The following SCAI variants were observed in gnomAD, a reference collection of about 807,000 sequenced individuals.
The protein encoded by SCAI is protein SCAI.
A neutral mutation model predicts 92.2 loss-of-function variants in SCAI; 24 were observed. That is an observed-to-expected ratio of 0.26 (90% confidence interval 0.19 to 0.37). The LOEUF (loss-of-function observed/expected upper bound fraction) is 0.37. SCAI is among the 10% of genes least tolerant of loss of function. The probability of loss-of-function intolerance (pLI) is 1.00; values close to 1 mark genes in which losing one functional copy is unlikely to be tolerated. For synonymous variants in SCAI, 261 were observed against 258.6 expected (o/e 1.01, Z -0.09); for missense variants, 450 against 736.2 (o/e 0.61, Z 4.50).
At chr9:125,120,314 CA>C (rs1165505051) in intron 2 of SCAI, among the ~76,000 whole-genome samples, 3 of 152,164 alleles carry the variant, frequency 2.0e-5, no homozygotes, top group African/African-American at 7.2e-5. Context: ...AGATTAAAGA[CA>C]ATAACCTGGA....
rs1318864099 is a variant in SCAI, at chr9:124,950,475, A to C, written c.*2332T>G. ...AGCTCAGAACAGTAAATACTATTTT[A>C]AACATTAGAGGACAGGAAACTCTGT... On this transcript the variant is annotated 3_prime_UTR_variant, in exon 18 of 18. Transcript: ENST00000336505. 1 of 152,216 alleles carries C rather than the reference A, an allele frequency of 6.6e-6. No homozygotes were observed. The highest frequency in any genetic ancestry group is 2.4e-5 in the African/African-American group (1 of 41,450). 9.4% of individuals were successfully genotyped at this position (152,216 alleles called of 1,614,324 possible).
intron 5 of SCAI, 58 bp from the exon 6 acceptor site, chr9:125,026,968 A>T: frequency 3.9e-6 from 4 of 1,024,600 alleles, no homozygotes; most frequent in Middle Eastern, 2.1e-4. Flanking sequence ...CACCATGGTA[A>T]ATACTTGTTC....
chr9:125,026,524 G>A (rs748472885), intron 6 of SCAI, among the ~76,000 whole-genome samples: 4 of 152,162 alleles, frequency 2.6e-5, no homozygotes, highest in Non-Finnish European at 5.9e-5. Context: ...GCTAAGCCTT[G>A]TTTTGGAGTC....
At chr9:125,115,493 C>T (rs554719834) in intron 2 of SCAI, among the ~76,000 whole-genome samples, 1 of 149,484 alleles carries the variant, frequency 6.7e-6, no homozygotes, top group East Asian at 2.0e-4. Flanking sequence ...ATAGAATAAA[C>T]AGTGACATAG....
intron 2 of SCAI, among the ~76,000 whole-genome samples, chr9:125,139,233 T>TAA (rs1835611287): frequency 6.6e-6 from 1 of 151,972 alleles, no homozygotes; most frequent in Non-Finnish European, 1.5e-5. Context: ...AGCAACATGG[T>TAA]AAAACCCCAC....
chr9:124,946,427 TTAAGA>T lies in SCAI; in HGVS notation c.*6375_*6379del, dbSNP rs1564352112. On this transcript the variant is annotated 3_prime_UTR_variant, in exon 18 of 18. Coordinates refer to ENST00000336505, the MANE Select transcript of SCAI (RefSeq NM_001144877.3). This position sits in a 1 kb window ranked among gnomAD's most constrained non-coding sequence, Gnocchi z 4.0. ...AGACTCCTGAGATAATTTCTCTATT[TTAAGA>T]TAATATTGGATCAGATAGATTTAAT... is the stretch of plus-strand genomic sequence containing the variant. 1 of 152,198 alleles carries T rather than the reference TTAAGA, an allele frequency of 6.6e-6. No individual in the cohort carries two copies. Among genetic ancestry groups the T allele is most frequent in the African/African-American group, 2.4e-5 (1 of 41,448 alleles). The allele number at this position is 152,198 out of a possible 1,614,324, so 9.4% of individuals were successfully genotyped here. A position where few individuals can be genotyped will look rare whatever the true frequency, so the allele number is the denominator to read the frequency against.
chr9:124,959,154 G>A (rs1831382266), intron 17 of SCAI, among the ~76,000 whole-genome samples: 1 of 151,146 alleles, frequency 6.6e-6, no homozygotes, highest in Non-Finnish European at 1.5e-5. Context: ...TATACCTAAT[G>A]CTAAATGACG....
In SCAI at chr9:125,018,912, C is replaced by T. The variant is rs1412270769; in HGVS notation, c.748G>A (p.Val250Ile). 1 of 1,613,908 alleles carries T rather than the reference C, an allele frequency of 6.2e-7. No homozygotes were observed. Residue 250 changes from valine to isoleucine, a missense_variant, in exon 9 of 18, where the codon GTT (valine) becomes ATT (isoleucine). Val to Ile is a conservative substitution (Grantham distance 29, BLOSUM62 3). This residue lies in a region of SCAI where 360 missense variants were observed against 601.8 expected (regional missense o/e 0.60). Transcript: ENST00000336505. The part of the protein sequence containing the change: ...VMVLNDDNTI[V>I]ITSNRLAETG... ...TCAGCAAGGCGATTCGATGTGATAA[C>T]AATGGTATTATCATCATTTAATACC...
chr9:125,038,144 C>T (rs1833240062), intron 3 of SCAI, among the ~76,000 whole-genome samples: 1 of 152,106 alleles, frequency 6.6e-6, no homozygotes, highest in South Asian at 2.1e-4. Flanking sequence ...GTAGTGCTAG[C>T]TACTCGGGGA....
intron 5 of SCAI, among the ~76,000 whole-genome samples, chr9:125,028,122 C>T (rs360202): frequency 0.02 from 3,026 of 152,220 alleles, 90 homozygotes; most frequent in African/African-American, 0.069. Context: ...TAGTATTAAT[C>T]GTTTATCTAA....
chr9:125,004,770 TATATATA>T (rs1240553989), intron 9 of SCAI, among the ~76,000 whole-genome samples: 88 of 9,548 alleles, frequency 9.2e-3, no homozygotes, highest in Non-Finnish European at 0.013. Flanking sequence ...TATATATATA[TATATATA>T]TATTTTTTTT....
intron 2 of SCAI, among the ~76,000 whole-genome samples, chr9:125,076,059 T>C (rs1293327930): frequency 6.6e-6 from 1 of 152,216 alleles, no homozygotes; most frequent in Non-Finnish European, 1.5e-5. Flanking sequence ...GCCAACAGTC[T>C]GTGTATGTAG....
chr9:125,122,105 G>A (rs1835167217), intron 2 of SCAI, among the ~76,000 whole-genome samples: 1 of 152,178 alleles, frequency 6.6e-6, no homozygotes, highest in Admixed American at 6.5e-5. Context: ...AAATATGTAA[G>A]TGAACTATAT....
chr9:125,114,355 T>A (rs4838244), intron 2 of SCAI, among the ~76,000 whole-genome samples: 63,799 of 151,838 alleles, frequency 0.42, 16,318 homozygotes, highest in Non-Finnish European at 0.55. Flanking sequence ...CAACATACAC[T>A]CCACTAGTAA....
chr9:124,972,189 A>C (rs951871002), intron 15 of SCAI, among the ~76,000 whole-genome samples: 10 of 152,088 alleles, frequency 6.6e-5, no homozygotes, highest in African/African-American at 2.4e-4. Context: ...AGTCTTTTTC[A>C]TTCTCTTCTG....
At chr9:125,111,253 AAAGAG>A (rs142954963) in intron 2 of SCAI, among the ~76,000 whole-genome samples, 1 of 152,328 alleles carries the variant, frequency 6.6e-6, no homozygotes, top group African/African-American at 2.4e-5. Context: ...AGAAGGAAAA[AAAGAG>A]AAAGAAAAAA....
chr9:124,955,972 TTCTAA>T (rs1373814672), intron 17 of SCAI, among the ~76,000 whole-genome samples: 1 of 152,164 alleles, frequency 6.6e-6, no homozygotes, highest in Non-Finnish European at 1.5e-5. Context: ...GAAGAAATAA[TTCTAA>T]TCTAAACAAA....
At chr9:124,968,541 C>T in intron 17 of SCAI, 1 of 885,256 alleles carries the variant, frequency 1.1e-6, no homozygotes, top group Admixed American at 1.7e-5. Context: ...TAAGACACCA[C>T]TCCCAAAGGA....
intron 2 of SCAI, among the ~76,000 whole-genome samples, chr9:125,126,146 G>A (rs1835267340): frequency 6.6e-6 from 1 of 152,196 alleles, no homozygotes; most frequent in Non-Finnish European, 1.5e-5. Context: ...TCATCCTCAA[G>A]GCTCAACTAG....
Sources: gnomAD v4.1 joint callset for allele counts (sites outside exome capture counted in the v4.1 genomes callset) on GRCh38, gnomAD v4.1.1 for gene constraint, gnomAD v4.1.1 regional missense constraint, Gnocchi (gnomAD v3.1) non-coding constraint, MANE v1.5 for transcripts, NCBI Gene and HGNC (gene_info 2026-07-23, HGNC 2026-07-21) for gene names.